The following DNAH5 variants were observed in gnomAD, a reference collection of about 807,000 sequenced individuals.
The protein encoded by DNAH5 is axonemal beta dynein heavy chain 5.
DNAH5 carries 372 observed loss-of-function variants against 518.2 expected under a neutral mutation model. The ratio of observed to expected loss-of-function variants is 0.72; its 90% CI spans 0.66 to 0.78. DNAH5 has a LOEUF of 0.78. DNAH5 is among the 30% of genes least tolerant of loss of function. The pLI, the probability that DNAH5 is intolerant of heterozygous loss-of-function variation, is 0.00. For missense variants in DNAH5, 5,523 were observed against 5,687.0 expected, an observed-to-expected ratio of 0.97 and a Z score of 0.93; for synonymous variants, 2,039 against 2,025.9, an observed-to-expected ratio of 1.01 and a Z score of -0.17.
intron 2 of DNAH5, among the ~76,000 whole-genome samples, chr5:13,928,699 C>T (rs568673246): frequency 6.6e-6 from 1 of 152,334 alleles, no homozygotes; most frequent in East Asian, 1.9e-4. Context: ...TGTAAGTCTA[C>T]AAGTCTAACA....
At chr5:13,836,459 C>T (rs1764413763) in intron 35 of DNAH5, among the ~76,000 whole-genome samples, 1 of 152,064 alleles carries the variant, frequency 6.6e-6, no homozygotes, top group Non-Finnish European at 1.5e-5. Flanking sequence ...GACATCCAGA[C>T]CACTGGGAGG....
intron 47 of DNAH5, among the ~76,000 whole-genome samples, chr5:13,800,003 C>T (rs541154154): frequency 2.6e-5 from 4 of 152,008 alleles, no homozygotes; most frequent in South Asian, 2.1e-4. Context: ...GTATATTGAA[C>T]AATATATGTT....
rs141540418 is a variant in DNAH5 at position 13,802,955 on chromosome 5, A to G, written c.7887+4636T>C. Among the ~76,000 whole-genome samples the G allele has an allele frequency of 1.6e-3, 248 of 150,862 alleles. 2 individuals carry two copies. Among genetic ancestry groups the G allele is most frequent in the African/African-American group, 5.9e-3 (242 of 41,248 alleles). ...CATAAATATGCATATGAATATGCAT[A>G]TATGCATTATGCATTAATGATATAA... On this transcript the variant is annotated intron_variant, in intron 47 of 78. Transcript: ENST00000265104.
At chr5:13,814,906 A>C (rs1052042312) in intron 42 of DNAH5, 60 bp from the exon 43 acceptor site, 3 of 1,507,046 alleles carry the variant, frequency 2.0e-6, no homozygotes, top group Non-Finnish European at 2.7e-6. Flanking sequence ...GCATGTACAC[A>C]TAAGTTTAAA....
chr5:13,824,733 A>G (rs1762673665), intron 38 of DNAH5, among the ~76,000 whole-genome samples: 1 of 152,200 alleles, frequency 6.6e-6, no homozygotes, highest in African/African-American at 2.4e-5. Context: ...TGACTGTCAT[A>G]TACATAGAGA....
At chr5:13,706,864 CAG>C (rs1461893249) in intron 76 of DNAH5, among the ~76,000 whole-genome samples, 4 of 152,098 alleles carry the variant, frequency 2.6e-5, no homozygotes, top group Admixed American at 2.6e-4. Flanking sequence ...ATAGTGATAC[CAG>C]AGCAGGGCAG....
At position 13,867,936 on chromosome 5, in the gene DNAH5, G is replaced by T; in HGVS notation, c.3891C>A (p.Asp1297Glu). Residue 1297 changes from aspartate (D) to glutamate (E), a missense_variant, in exon 25 of 79, where the codon GAC becomes GAA. Around this residue, in one of 3 missense-constraint regions of DNAH5, gnomAD observed 5,121 missense variants for 5,223.3 expected, o/e 0.98. Transcript: ENST00000265104. ...AAGCATAGTGCAGTGTATCAACTTT[G>T]TCTATCTCTTCCCTTGCTATCAGAA... is the stretch of plus-strand genomic sequence containing the variant. Reference protein sequence around the residue: ...YGLLIAREEIDKVDTLHYAWE... With the variant: ...YGLLIAREEIEKVDTLHYAWE... The T allele has an allele frequency of 1.2e-6, 2 of 1,614,020 alleles. No individual in the cohort carries two copies. The highest frequency in any genetic ancestry group is 2.2e-5 in the South Asian group (2 of 91,076).
chr5:13,762,501 A>G (rs1409269150), intron 60 of DNAH5, among the ~76,000 whole-genome samples: 1 of 152,176 alleles, frequency 6.6e-6, no homozygotes, highest in East Asian at 1.9e-4. Flanking sequence ...ATCCTTGTAG[A>G]GAGTCTGTCC....
At chr5:13,968,225 A>G (rs1401500136) in intron 1 of DNAH5, among the ~76,000 whole-genome samples, 1 of 152,124 alleles carries the variant, frequency 6.6e-6, no homozygotes. Context: ...GAGTCTTTAG[A>G]GTTTTCTGAA....
In DNAH5 at chr5:13,817,649, A is replaced by G. The variant is rs2151807336; in HGVS notation, c.6887T>C (p.Ile2296Thr). 6.2e-7 allele frequency: 1 copy of G among 1,614,186 alleles called. No homozygotes were observed. The highest frequency in any genetic ancestry group is 2.2e-5 in the East Asian group (1 of 44,876). Residue 2296 changes from isoleucine to threonine, a missense_variant, in exon 42 of 79, where the codon ATT becomes ACT. Physicochemically the swap from Ile to Thr is moderately conservative, Grantham distance 89. Coordinates refer to ENST00000265104, the MANE Select transcript of DNAH5 (RefSeq NM_001369.3). ...CCGACCAAACATCTGTGGGGCAGTAATCGCTTTGGGATTCATCCTCATTTC... is the reference window on the plus strand; with the variant it reads ...CCGACCAAACATCTGTGGGGCAGTAGTCGCTTTGGGATTCATCCTCATTTC... The part of the protein sequence containing the change: ...HREMRMNPKA[I>T]TAPQMFGRLD...
At chr5:13,710,981 G>A (rs960790005) in intron 75 of DNAH5, among the ~76,000 whole-genome samples, 3 of 152,136 alleles carry the variant, frequency 2.0e-5, no homozygotes, top group Non-Finnish European at 4.4e-5. Flanking sequence ...TATTCTACAA[G>A]ATAGAGAAAG....
chr5:13,824,858 C>T (rs945966191), intron 38 of DNAH5, among the ~76,000 whole-genome samples: 10 of 152,072 alleles, frequency 6.6e-5, no homozygotes, highest in Non-Finnish European at 1.5e-4. Context: ...GAAAGCTAAG[C>T]CCCCAGCTTT....
chr5:13,893,973 G>A (rs187619968), intron 16 of DNAH5, among the ~76,000 whole-genome samples: 289 of 151,464 alleles, frequency 1.9e-3, no homozygotes, highest in Non-Finnish European at 3.4e-3. Flanking sequence ...GTCTGCCACA[G>A]AGGATCTGTA....
At chr5:13,709,370 T>A (rs1401248695) in intron 75 of DNAH5, among the ~76,000 whole-genome samples, 1 of 152,176 alleles carries the variant, frequency 6.6e-6, no homozygotes, top group Non-Finnish European at 1.5e-5. Flanking sequence ...AATCAAAGAT[T>A]TTTATTTTTT....
intron 66 of DNAH5, 60 bp from the exon 67 acceptor site, chr5:13,735,992 A>G: frequency 7.4e-7 from 1 of 1,347,024 alleles, no homozygotes. Flanking sequence ...TGATCCATGC[A>G]AAGAGATCAG....
At chr5:13,796,555 A>G (rs1225946869) in intron 47 of DNAH5, among the ~76,000 whole-genome samples, 1 of 152,212 alleles carries the variant, frequency 6.6e-6, no homozygotes, top group Non-Finnish European at 1.5e-5. Flanking sequence ...AAAAGAGGAC[A>G]CGAAAAAATG....
chr5:13,841,503 C>T (rs1293613158), intron 33 of DNAH5, among the ~76,000 whole-genome samples, 189 bp downstream of exon 33: 2 of 152,112 alleles, frequency 1.3e-5, no homozygotes, highest in Non-Finnish European at 2.9e-5. Flanking sequence ...ACATTTAAGT[C>T]TATAGATATA....
intron 52 of DNAH5, among the ~76,000 whole-genome samples, chr5:13,785,872 TG>T (rs1755908874): frequency 6.6e-6 from 1 of 152,248 alleles, no homozygotes; most frequent in Admixed American, 6.5e-5. Context: ...ATGTAGACTT[TG>T]CCTGTGCTCT....
chr5:13,771,153 T>G (rs1753290125), intron 55 of DNAH5, 173 bp from the exon 56 acceptor site: 2 of 608,980 alleles, frequency 3.3e-6, no homozygotes, highest in Non-Finnish European at 5.8e-6. Flanking sequence ...ACATCAACAA[T>G]TTTATTTTCT....
Sources: gnomAD v4.1 joint callset for allele counts (sites outside exome capture counted in the v4.1 genomes callset) on GRCh38, gnomAD v4.1.1 for gene constraint, gnomAD v4.1.1 regional missense constraint, MANE v1.5 for transcripts, NCBI Gene and HGNC (gene_info 2026-07-23, HGNC 2026-07-21) for gene names.